The following DNAL1 variants were observed in gnomAD, a reference collection of about 807,000 sequenced individuals.
The protein encoded by DNAL1 is dynein axonemal light chain 1.
In DNAL1, 17 loss-of-function variants were observed where a neutral mutation model predicts 29.4. The ratio of observed to expected loss-of-function variants is 0.58; its 90% confidence interval spans 0.40 to 0.87. DNAL1 has a LOEUF of 0.87. DNAL1 is among the 40% of genes least tolerant of loss of function. The probability of loss-of-function intolerance (pLI) is 0.00; values close to 1 mark genes in which losing one functional copy is unlikely to be tolerated. For synonymous variants in DNAL1, 78 were observed against 76.3 expected, an observed-to-expected ratio of 1.02 and a Z score of -0.12; for missense variants, 188 against 214.1, an observed-to-expected ratio of 0.88 and a Z score of 0.76.
intron 4 of DNAL1, among the ~76,000 whole-genome samples, chr14:73,665,006 C>T (rs901599880): frequency 1.3e-5 from 2 of 152,036 alleles, no homozygotes; most frequent in African/African-American, 2.4e-5. Flanking sequence ...AATTACCTAT[C>T]ATATAATTAT....
chr14:73,645,092 G>C, intron 1 of DNAL1, 50 bp downstream of exon 1: 1 of 1,596,272 alleles, frequency 6.3e-7, no homozygotes, highest in Non-Finnish European at 8.5e-7. Context: ...GATTGGGAGT[G>C]GAAAAGGGTG....
intron 4 of DNAL1, among the ~76,000 whole-genome samples, chr14:73,667,233 A>G (rs1025915959): frequency 6.6e-6 from 1 of 151,752 alleles, no homozygotes; most frequent in Non-Finnish European, 1.5e-5. Context: ...ATGCCCAGAC[A>G]GGTGGATCAC....
chr14:73,696,184 T>G lies in DNAL1; in HGVS notation c.*242T>G. Reference sequence around the variant, plus strand: ...AACCACAAATTTTCGATTTTTGTCTTCAGTCTCAGTTACGTACTGTGTAGC... The same window carrying G: ...AACCACAAATTTTCGATTTTTGTCTGCAGTCTCAGTTACGTACTGTGTAGC... On this transcript the variant is annotated 3_prime_UTR_variant, in exon 8 of 8. Transcript: ENST00000553645. 1 of 407,400 alleles carries G rather than the reference T, an allele frequency of 2.5e-6. No individual in the cohort carries two copies. The highest frequency in any genetic ancestry group is 2.1e-5 in the African/African-American group (1 of 48,616). 25.2% of individuals were successfully genotyped at this position (407,400 alleles called of 1,614,324 possible). A position where few individuals can be genotyped will look rare whatever the true frequency, so the allele number is the denominator to read the frequency against.
intron 3 of DNAL1, among the ~76,000 whole-genome samples, chr14:73,661,655 G>A (rs2140033640): frequency 6.6e-6 from 1 of 152,232 alleles, no homozygotes; most frequent in Non-Finnish European, 1.5e-5. Context: ...TGAGGCAGGA[G>A]AATTGCTTGA....
intron 5 of DNAL1, among the ~76,000 whole-genome samples, chr14:73,673,966 TATTC>T (rs1891671992): frequency 6.6e-6 from 1 of 151,242 alleles, no homozygotes; most frequent in Non-Finnish European, 1.5e-5. Context: ...CTAGATGACT[TATTC>T]ATCTAGACAC....
intron 5 of DNAL1, among the ~76,000 whole-genome samples, chr14:73,672,166 G>GGTA (rs1344688163): frequency 6.6e-6 from 1 of 152,096 alleles, no homozygotes; most frequent in Non-Finnish European, 1.5e-5. Context: ...CAGAAACAGT[G>GGTA]GTAACCCTGA....
intron 5 of DNAL1, among the ~76,000 whole-genome samples, chr14:73,686,809 T>C (rs1239661639): frequency 6.6e-6 from 1 of 152,214 alleles, no homozygotes; most frequent in Non-Finnish European, 1.5e-5. Flanking sequence ...TAATAGTGTG[T>C]TCTTAGAAAA....
intron 5 of DNAL1, among the ~76,000 whole-genome samples, chr14:73,680,018 T>C (rs1382307503): frequency 6.6e-6 from 1 of 152,140 alleles, no homozygotes; most frequent in Admixed American, 6.5e-5. Context: ...TGTTGTTCTT[T>C]CTATAAATTT....
At chr14:73,648,559 C>G (rs1298462111) in intron 1 of DNAL1, among the ~76,000 whole-genome samples, 3 of 150,534 alleles carry the variant, frequency 2.0e-5, no homozygotes, top group Non-Finnish European at 4.4e-5. Flanking sequence ...GACTACAGGC[C>G]TGCACCACCA....
intron 5 of DNAL1, among the ~76,000 whole-genome samples, chr14:73,673,792 G>A (rs887155398): frequency 2.6e-5 from 4 of 151,802 alleles, no homozygotes; most frequent in Non-Finnish European, 5.9e-5. Flanking sequence ...ACTCGGGGAG[G>A]CTGAGGTGGA....
At chr14:73,664,134 G>T (rs960264329) in intron 4 of DNAL1, among the ~76,000 whole-genome samples, 2 of 152,194 alleles carry the variant, frequency 1.3e-5, no homozygotes, top group African/African-American at 2.4e-5. Context: ...ATACTTATCT[G>T]TGCAGGTGCA....
At chr14:73,689,024 CTGTTTT>C (rs1476498917) in intron 6 of DNAL1, among the ~76,000 whole-genome samples, 2 of 113,132 alleles carry the variant, frequency 1.8e-5, no homozygotes, top group African/African-American at 3.1e-5. Context: ...GTAAAACTTG[CTGTTTT>C]TTTTTTTTTT....
intron 6 of DNAL1, among the ~76,000 whole-genome samples, chr14:73,687,809 C>A (rs1892057065): frequency 6.6e-6 from 1 of 152,052 alleles, no homozygotes; most frequent in South Asian, 2.1e-4. Flanking sequence ...GGAGGCGGAG[C>A]TTGCAGTGAG....
intron 5 of DNAL1, among the ~76,000 whole-genome samples, chr14:73,676,285 C>A (rs546099471): frequency 6.6e-6 from 1 of 151,548 alleles, no homozygotes; most frequent in Non-Finnish European, 1.5e-5. Context: ...ATGTTCATTG[C>A]GAAAACAAAT....
intron 1 of DNAL1, 51 bp downstream of exon 1, chr14:73,645,093 GA>G: frequency 6.3e-7 from 1 of 1,595,688 alleles, no homozygotes; most frequent in Non-Finnish European, 8.5e-7. Context: ...ATTGGGAGTG[GA>G]AAAGGGTGAC....
At chr14:73,677,230 G>A (rs1232626703) in intron 5 of DNAL1, among the ~76,000 whole-genome samples, 1 of 151,628 alleles carries the variant, frequency 6.6e-6, no homozygotes, top group Non-Finnish European at 1.5e-5. Flanking sequence ...TCGGCCTCCC[G>A]AAGTGCTGGG....
intron 1 of DNAL1, among the ~76,000 whole-genome samples, chr14:73,648,509 C>T (rs1478691027): frequency 6.8e-6 from 1 of 147,462 alleles, no homozygotes; most frequent in East Asian, 2.0e-4. Context: ...GCTCCTCCAC[C>T]TCCCGGGATC....
chr14:73,681,624 AAAAAAAAAAATATAT>A (rs1891883927), intron 5 of DNAL1, among the ~76,000 whole-genome samples: 1 of 49,196 alleles, frequency 2.0e-5, no homozygotes, highest in Non-Finnish European at 4.9e-5. Flanking sequence ...AAAAAAAAAA[AAAAAAAAAAATATAT>A]ATATATATAT....
chr14:73,687,093 T>A (rs1892036854), intron 5 of DNAL1, among the ~76,000 whole-genome samples, 166 bp from the exon 6 acceptor site: 1 of 149,776 alleles, frequency 6.7e-6, no homozygotes, highest in African/African-American at 2.5e-5. Flanking sequence ...TCTACTTAGC[T>A]CCCTCAATGA....
Sources: allele counts gnomAD v4.1 joint callset (sites outside exome capture counted in the v4.1 genomes callset), GRCh38; gene constraint gnomAD v4.1.1; transcripts MANE v1.5; gene names NCBI Gene and HGNC (gene_info 2026-07-23, HGNC 2026-07-21).